Variants in HIVEP1 observed in about 807,000 individuals in gnomAD.
The protein encoded by HIVEP1 is HIVEP zinc finger 1.
A neutral mutation model predicts 180.0 loss-of-function variants in HIVEP1; 36 were observed. The observed-to-expected ratio is 0.20, with a 90% CI of 0.15 to 0.26. The LOEUF is 0.26. HIVEP1 is among the 10% of genes least tolerant of loss of function. The pLI is 1.00. For synonymous variants in HIVEP1, 1,239 were observed against 1,239.0 expected, an observed-to-expected ratio of 1.00 and a Z score of 0.00; for missense variants, 3,143 against 3,268.7, an observed-to-expected ratio of 0.96 and a Z score of 0.94.
chr6:12,129,941 A>G (rs1758328517), intron 5 of HIVEP1, 49 bp downstream of exon 5: 1 of 1,296,736 alleles, frequency 7.7e-7, no homozygotes, highest in African/African-American at 1.5e-5. Flanking sequence ...TGACTTTTTA[A>G]ATGTACATTT....
chr6:12,095,076 C>CT (rs944435548), intron 3 of HIVEP1, among the ~76,000 whole-genome samples: 2 of 151,986 alleles, frequency 1.3e-5, no homozygotes, highest in African/African-American at 4.8e-5. Context: ...TTCTTACTCT[C>CT]TTTCATTTCT....
chr6:12,171,141 C>G, the HIVEP1 span, among the ~76,000 whole-genome samples: 1 of 152,142 alleles, frequency 6.6e-6, no homozygotes. Context: ...GCACAAAGTT[C>G]AGTATGTGCC....
chr6:12,133,979 CAAAA>C (rs111307585), intron 6 of HIVEP1, among the ~76,000 whole-genome samples: 1 of 117,396 alleles, frequency 8.5e-6, no homozygotes, highest in Non-Finnish European at 1.9e-5. Flanking sequence ...CCGTCTCAAC[CAAAA>C]AAAAAAAAAA....
At chr6:12,157,569 G>A (rs569989640) in intron 7 of HIVEP1, among the ~76,000 whole-genome samples, 64 of 151,866 alleles carry the variant, frequency 4.2e-4, no homozygotes, top group Non-Finnish European at 7.4e-4. Context: ...CCTTCTTTCC[G>A]TGCTTTATGC....
At chr6:12,096,036 G>C (rs1214026664) in intron 3 of HIVEP1, among the ~76,000 whole-genome samples, 2 of 151,760 alleles carry the variant, frequency 1.3e-5, no homozygotes, top group Non-Finnish European at 2.9e-5. Flanking sequence ...AGGTCAGCTT[G>C]CATTATGATT....
chr6:12,109,105 G>A (rs1046377936), intron 3 of HIVEP1, among the ~76,000 whole-genome samples: 2 of 151,924 alleles, frequency 1.3e-5, no homozygotes, highest in African/African-American at 4.8e-5. Flanking sequence ...TCAGCCTCCC[G>A]AGTACCTGGG....
At chr6:12,207,979 G>A in the HIVEP1 span, among the ~76,000 whole-genome samples, 4 of 151,404 alleles carry the variant, frequency 2.6e-5, no homozygotes, top group Admixed American at 2.6e-4. Flanking sequence ...ATTCAGCTGT[G>A]TCACTCACTA....
downstream of HIVEP1, among the ~76,000 whole-genome samples, chr6:12,168,307 ATATAT>A (rs1167095866): frequency 2.0e-3 from 21 of 10,366 alleles, no homozygotes; most frequent in East Asian, 6.5e-3. Context: ...ACATATATAC[ATATAT>A]TATATACATA....
chr6:12,018,713 G>C (rs1257493264), intron 2 of HIVEP1, among the ~76,000 whole-genome samples: 1 of 152,202 alleles, frequency 6.6e-6, no homozygotes, highest in Non-Finnish European at 1.5e-5. Flanking sequence ...TATCTGCGAA[G>C]CTGACAAGGC....
chr6:12,041,847 A>G (rs1418227695), intron 2 of HIVEP1, among the ~76,000 whole-genome samples: 11 of 118,300 alleles, frequency 9.3e-5, no homozygotes, highest in African/African-American at 1.4e-4. Flanking sequence ...TTTTAGTAGA[A>G]ACGGGTTTTC....
upstream of HIVEP1, among the ~76,000 whole-genome samples, chr6:12,010,387 T>C (rs1767207619): frequency 6.6e-6 from 1 of 152,214 alleles, no homozygotes; most frequent in South Asian, 2.1e-4. Context: ...ATTCCCATTC[T>C]GGTGGTTTGA....
chr6:12,166,439 T>C (rs538767576), downstream of HIVEP1, among the ~76,000 whole-genome samples: 7 of 152,214 alleles, frequency 4.6e-5, no homozygotes, highest in Non-Finnish European at 1.0e-4. Flanking sequence ...TTTTGTACTT[T>C]TCAAGATTCT....
chr6:12,124,207 G>A lies in HIVEP1; in HGVS notation c.4412G>A (p.Ser1471Asn), dbSNP rs1757902332. The A allele has an allele frequency of 1.9e-6, 3 of 1,613,772 alleles. No individual in the cohort carries two copies. The highest frequency in any genetic ancestry group is 2.7e-5 in the African/African-American group (2 of 74,898). Residue 1471 changes from serine (S) to asparagine (N), a missense_variant, in exon 4 of 9, where the codon AGT becomes AAT. Physicochemically the swap from Ser to Asn is conservative, Grantham distance 46 (BLOSUM62 1). This residue lies in a region of HIVEP1 where 1,357 missense variants were observed against 1,260.5 expected (regional missense o/e 1.08). Coordinates refer to ENST00000379388, the MANE Select transcript of HIVEP1 (RefSeq NM_002114.4). The part of the protein sequence containing the change: ...AVPYQGPQLT[S>N]TSLAEFSANT... Reference sequence around the variant, plus strand: ...CCATATCAGGGGCCTCAGCTCACTAGTACATCTTTAGCTGAGTTTTCTGCA... The same window carrying A: ...CCATATCAGGGGCCTCAGCTCACTAATACATCTTTAGCTGAGTTTTCTGCA...
the HIVEP1 span, among the ~76,000 whole-genome samples, chr6:12,196,887 C>A: frequency 6.6e-5 from 10 of 152,242 alleles, no homozygotes; most frequent in South Asian, 2.1e-3. Flanking sequence ...ATCATTATTA[C>A]AATTAAATGA....
intron 3 of HIVEP1, among the ~76,000 whole-genome samples, chr6:12,093,349 A>G (rs1773597790): frequency 1.3e-5 from 2 of 151,700 alleles, no homozygotes; most frequent in Non-Finnish European, 2.9e-5. Context: ...TATTCACTAA[A>G]GTGAATAGAA....
intron 3 of HIVEP1, among the ~76,000 whole-genome samples, chr6:12,094,978 T>C (rs970268068): frequency 1.3e-5 from 2 of 152,050 alleles, no homozygotes; most frequent in African/African-American, 4.8e-5. Flanking sequence ...CTATTTTCTC[T>C]TCAGTTTTAG....
intron 4 of HIVEP1, among the ~76,000 whole-genome samples, chr6:12,129,018 C>T (rs1023426979): frequency 1.3e-5 from 2 of 151,846 alleles, no homozygotes; most frequent in Non-Finnish European, 2.9e-5. Context: ...TAAGACTGGT[C>T]GGTGCAACAG....
At chr6:12,133,170 C>T (rs139751291) in intron 6 of HIVEP1, among the ~76,000 whole-genome samples, 1,585 of 152,240 alleles carry the variant, frequency 0.01, 26 homozygotes, top group African/African-American at 0.036. Context: ...CTTACAAATC[C>T]ATAATTCATT....
intron 7 of HIVEP1, among the ~76,000 whole-genome samples, chr6:12,160,635 G>A (rs1384817724): frequency 6.6e-6 from 1 of 152,182 alleles, no homozygotes; most frequent in Non-Finnish European, 1.5e-5. Context: ...AAAAACAGGA[G>A]GCAGGGGAGG....
Sources: allele counts gnomAD v4.1 joint callset (sites outside exome capture counted in the v4.1 genomes callset), GRCh38; gene constraint gnomAD v4.1.1; regional missense constraint gnomAD v4.1.1; transcripts MANE v1.5; gene names NCBI Gene and HGNC (gene_info 2026-07-23, HGNC 2026-07-21).